Variants in ADCYAP1 observed in about 807,000 individuals in gnomAD.
ADCYAP1 encodes pituitary adenylate cyclase-activating polypeptide.
A neutral mutation model predicts 18.5 loss-of-function variants in ADCYAP1; 6 were observed. The ratio of observed to expected loss-of-function variants is 0.32; its 90% confidence interval spans 0.18 to 0.64. The LOEUF (loss-of-function observed/expected upper bound fraction) is 0.64. Among genes scored for constraint, ADCYAP1 ranks in the 30% least tolerant of loss-of-function variants. The pLI, the probability that ADCYAP1 is intolerant of heterozygous loss-of-function variation, is 0.77. For synonymous variants in ADCYAP1, 136 were observed against 113.9 expected, an observed-to-expected ratio of 1.19 and a Z score of -1.24; for missense variants, 314 against 253.6, an observed-to-expected ratio of 1.24 and a Z score of -1.62.
In ADCYAP1 at chr18:905,491, G is replaced by T. The variant is rs749007403; in HGVS notation, c.105G>T (p.Gly35=). ...SPAAAGLRFP[G]IRPEEEAYGE... ...CCGCCGCCGGACTCCGGTTCCCCGG[G>T]ATCAGGTAGGTGCTGGCTGCCTGGC... Residue 35 remains glycine, a synonymous_variant, in exon 2 of 5, where the codon GGG becomes GGT. Coordinates refer to ENST00000450565, the MANE Select transcript of ADCYAP1 (RefSeq NM_001099733.2). The T allele has an allele frequency of 6.2e-7, 1 of 1,606,480 alleles. No individual in the cohort carries two copies. The highest frequency in any genetic ancestry group is 8.5e-7 in the Non-Finnish European group (1 of 1,179,974).
In ADCYAP1 at chr18:911,395, G is replaced by A. The variant is rs1317419664; in HGVS notation, c.*1760G>A. ...TTATTTATTTATTTTTTTATGTTTT[G>A]AAAAAAGAAGATGAAGAAGAAGAAA... On this transcript the variant is annotated 3_prime_UTR_variant, in exon 5 of 5. Coordinates refer to ENST00000450565, the MANE Select transcript of ADCYAP1 (RefSeq NM_001099733.2). 2 of 142,768 alleles carry A rather than the reference G, an allele frequency of 1.4e-5. No homozygotes were observed. Among genetic ancestry groups the A allele is most frequent in the South Asian group, 2.2e-4 (1 of 4,492 alleles). The allele number at this position is 142,768 out of a possible 1,614,324, so 8.8% of individuals were successfully genotyped here.
chr18:907,115 G>T (rs578260301), intron 2 of ADCYAP1, among the ~76,000 whole-genome samples: 1 of 152,302 alleles, frequency 6.6e-6, no homozygotes, highest in East Asian at 1.9e-4. Flanking sequence ...AGAAACCGAG[G>T]TTCTCCGTGA....
At chr18:904,649 G>C, upstream of ADCYAP1, 2 of 1,229,886 alleles carry the variant, frequency 1.6e-6, no homozygotes, top group South Asian at 1.4e-5. Flanking sequence ...CTACAAAGGC[G>C]GGCTAGCCGC....
rs1461786970 is a variant in ADCYAP1, at chr18:907,758, C to G, written c.210C>G (p.Ala70=). Residue 70 remains alanine (A), a synonymous_variant, in exon 3 of 5, where the codon GCC becomes GCG. Coordinates refer to ENST00000450565, the MANE Select transcript of ADCYAP1 (RefSeq NM_001099733.2). ...GGAGCCCCGCCTCCGCGCCGCGCGC[C>G]GCCGCCGCCTGGTACCGCCCGGCCG... is the stretch of plus-strand genomic sequence containing the variant. ...GAGSPASAPR[A]AAAWYRPAGR... is the part of the protein sequence containing the mutation. 5.3e-6 allele frequency: 8 copies of G among 1,499,804 alleles called. No individual in the cohort carries two copies. Among genetic ancestry groups the G allele is most frequent in the African/African-American group, 1.4e-5 (1 of 69,596 alleles). The allele number at this position is 1,499,804 out of a possible 1,614,324, so 92.9% of individuals were successfully genotyped here.
In ADCYAP1 at chr18:909,426, C is replaced by T. The variant is rs750446173; in HGVS notation, c.342-20C>T. 1.2e-6 allele frequency: 2 copies of T among 1,605,694 alleles called. No homozygotes were observed. The highest frequency in any genetic ancestry group is 2.2e-5 in the South Asian group (2 of 90,432). On this transcript the variant is annotated intron_variant, in intron 4 of 4. Coordinates refer to ENST00000450565, the MANE Select transcript of ADCYAP1 (RefSeq NM_001099733.2). ...GTGTCTCCCGCCCCGCCACCCTCTT[C>T]CCGACCCCTTTGCTTGCAGTGGGAG...
At position 904,882 on chromosome 18, in the gene ADCYAP1, C is replaced by G; in HGVS notation, c.-180C>G. The stretch of plus-strand genomic sequence containing the variant: ...ACAAACTTTTGAGCAGAACACGAGC[C>G]TCGGCAAACGAGTCCCGCAGCTCCT... On this transcript the variant is annotated 5_prime_UTR_variant, in exon 1 of 5. Transcript: ENST00000450565. The G allele has an allele frequency of 7.8e-7, 1 of 1,288,072 alleles. No homozygotes were observed. The allele number at this position is 1,288,072 out of a possible 1,614,324, so 79.8% of individuals were successfully genotyped here.
At chr18:904,745 C>T (rs902821973), upstream of ADCYAP1, 2 of 1,251,348 alleles carry the variant, frequency 1.6e-6, no homozygotes, top group Non-Finnish European at 2.1e-6. Context: ...GGTGGACTTA[C>T]GGCCACCTTG....
rs1909370849 is a variant in ADCYAP1 at position 911,075 on chromosome 18, T to A, written c.*1440T>A. The A allele has an allele frequency of 6.6e-6, 1 of 152,240 alleles. No individual in the cohort carries two copies. The highest frequency in any genetic ancestry group is 2.1e-4 in the South Asian group (1 of 4,834). The allele number at this position is 152,240 out of a possible 1,614,324, so 9.4% of individuals were successfully genotyped here. On this transcript the variant is annotated 3_prime_UTR_variant, in exon 5 of 5. Transcript: ENST00000450565. ...AAAACCAACCTTTGTCATATTAGAA[T>A]GTGTAGTGTTCACATGTTGCTCAGT...
chr18:905,174 G>C, intron 1 of ADCYAP1, 114 bp downstream of exon 1: 1 of 1,410,860 alleles, frequency 7.1e-7, no homozygotes. Flanking sequence ...CTAGTTATTG[G>C]GCGCCGGGTA....
rs1452052926 is a variant in ADCYAP1 at position 905,214 on chromosome 18, A to G, written c.-2+154A>G. 4 of 1,440,048 alleles carry G rather than the reference A, an allele frequency of 2.8e-6. No homozygotes were observed. The Admixed American group carries it at 1.1e-4, about 41-fold the overall frequency. The allele number at this position is 1,440,048 out of a possible 1,614,324, so 89.2% of individuals were successfully genotyped here. ...CATATATATATATTTTTTTCTAACT[A>G]TAGCAAGCAAGAAGTGGCAGGGCGC... On this transcript the variant is annotated intron_variant, in intron 1 of 4. Coordinates refer to ENST00000450565, the MANE Select transcript of ADCYAP1 (RefSeq NM_001099733.2).
intron 3 of ADCYAP1, 33 bp downstream of exon 3, chr18:907,823 G>T (rs1216518101): frequency 6.3e-6 from 9 of 1,419,000 alleles, no homozygotes; most frequent in South Asian, 1.6e-5. Flanking sequence ...CACACCCGCG[G>T]CTGGGAGCTC....
upstream of ADCYAP1, chr18:904,730 C>T (rs1447777634): frequency 4.8e-6 from 6 of 1,240,450 alleles, no homozygotes; most frequent in East Asian, 5.8e-5. Flanking sequence ...CTGCTTCTTC[C>T]TCCGGGTGGA....
chr18:904,830 C>T, upstream of ADCYAP1: 1 of 1,286,246 alleles, frequency 7.8e-7, no homozygotes, highest in South Asian at 1.2e-5. Context: ...CTCTCCGTGT[C>T]ACGCTCCCTC....
At chr18:908,433 C>T (rs1171955659) in intron 4 of ADCYAP1, 70 bp downstream of exon 4, 2 of 1,398,752 alleles carry the variant, frequency 1.4e-6, no homozygotes. Context: ...GCGGGGCGGG[C>T]GGCGGTGGGT....
intron 2 of ADCYAP1, 140 bp from the exon 3 acceptor site, chr18:907,519 C>A: frequency 1.1e-6 from 1 of 911,550 alleles, no homozygotes; most frequent in Non-Finnish European, 1.6e-6. Context: ...CTCCCACCCC[C>A]AGTCCTGGGA....
intron 1 of ADCYAP1, 43 bp downstream of exon 1, chr18:905,103 C>T (rs1909110797): frequency 1.5e-6 from 2 of 1,341,188 alleles, no homozygotes; most frequent in African/African-American, 3.0e-5. Flanking sequence ...GCTCACTCGA[C>T]TGCTGATTCT....
intron 3 of ADCYAP1, 89 bp from the exon 4 acceptor site, chr18:908,176 G>T: frequency 8.2e-7 from 1 of 1,214,870 alleles, no homozygotes; most frequent in East Asian, 2.6e-5. Flanking sequence ...CCCGGCCGCC[G>T]AGGGGGCGCG....
At chr18:909,389 G>A in intron 4 of ADCYAP1, 57 bp from the exon 5 acceptor site, 2 of 1,540,954 alleles carry the variant, frequency 1.3e-6, no homozygotes, top group Non-Finnish European at 1.8e-6. Context: ...GCTCCCCGCG[G>A]CGATTGAACC....
rs190166278 is a variant in ADCYAP1 at position 911,255 on chromosome 18, C to A, written c.*1620C>A. On this transcript the variant is annotated 3_prime_UTR_variant, in exon 5 of 5. Transcript: ENST00000450565. ...TAAAGAAAGCATGTCTGTTTCCTGT[C>A]AATTCTTTGAACATACAGAGTAATC... is the stretch of plus-strand genomic sequence containing the variant. 3.3e-5 allele frequency: 5 copies of A among 152,210 alleles called. No individual in the cohort carries two copies. In the East Asian group the frequency reaches 9.7e-4, roughly 29 times the overall value. The allele number at this position is 152,210 out of a possible 1,614,324, so 9.4% of individuals were successfully genotyped here. A position where few individuals can be genotyped will look rare whatever the true frequency, so the allele number is the denominator to read the frequency against.
Sources: allele counts gnomAD v4.1 joint callset (sites outside exome capture counted in the v4.1 genomes callset), GRCh38; gene constraint gnomAD v4.1.1; transcripts MANE v1.5; gene names NCBI Gene and HGNC (gene_info 2026-07-23, HGNC 2026-07-21).